The following CNTLN variants were observed in gnomAD, a reference collection of about 807,000 sequenced individuals.
CNTLN encodes the protein centlein, also known as centlein, centrosomal protein.
A neutral mutation model predicts 180.0 loss-of-function variants in CNTLN; 212 were observed. The ratio of observed to expected loss-of-function variants is 1.18; its 90% CI spans 1.05 to 1.32. The LOEUF is 1.32. Among genes scored for constraint, CNTLN ranks in the 40% most tolerant of loss-of-function variants. The pLI, the probability that CNTLN is intolerant of heterozygous loss-of-function variation, is 0.00. For missense variants in CNTLN, 2,095 were observed against 1,610.9 expected (o/e 1.30, Z -5.14); for synonymous variants, 722 against 563.1 (o/e 1.28, Z -3.99).
At chr9:17,232,398 T>C (rs1824869221) in intron 3 of CNTLN, among the ~76,000 whole-genome samples, 1 of 152,026 alleles carries the variant, frequency 6.6e-6, no homozygotes, top group Non-Finnish European at 1.5e-5. Context: ...ATTACTATTA[T>C]AAGTTCACTC....
intron 23 of CNTLN, among the ~76,000 whole-genome samples, chr9:17,471,543 GTTTTTGGAAAT>G (rs1832042896): frequency 6.6e-6 from 1 of 152,016 alleles, no homozygotes; most frequent in South Asian, 2.1e-4. Context: ...GCTGACATCA[GTTTTTGGAAAT>G]TCAGTTAACA....
At chr9:17,386,053 C>G (rs1323425539) in intron 13 of CNTLN, among the ~76,000 whole-genome samples, 1 of 151,830 alleles carries the variant, frequency 6.6e-6, no homozygotes, top group African/African-American at 2.4e-5. Flanking sequence ...TTTCTTAATC[C>G]CTCAAATTGA....
At chr9:17,485,265 G>T (rs1354322461) in intron 24 of CNTLN, among the ~76,000 whole-genome samples, 2 of 152,088 alleles carry the variant, frequency 1.3e-5, no homozygotes, top group Admixed American at 6.6e-5. Context: ...ATAGACTTGG[G>T]TGTCTGTATG....
chr9:17,493,916 C>T (rs1311323665), intron 25 of CNTLN, among the ~76,000 whole-genome samples: 1 of 152,132 alleles, frequency 6.6e-6, no homozygotes, highest in Non-Finnish European at 1.5e-5. Flanking sequence ...GTCAGAAGAC[C>T]TGGGGTTGCG....
chr9:17,137,190 A>G (rs775777724), intron 1 of CNTLN, among the ~76,000 whole-genome samples: 1 of 152,228 alleles, frequency 6.6e-6, no homozygotes, highest in Non-Finnish European at 1.5e-5. Flanking sequence ...GTAAGAATAC[A>G]GAGATGGTCA....
At position 17,220,151 on chromosome 9, in the gene CNTLN, G is replaced by T. The variant is rs184088990; in HGVS notation, c.450-6052G>T. Among the ~76,000 whole-genome samples the T allele has an allele frequency of 3.3e-4, 50 of 152,214 alleles. 1 individual carries two copies. In the East Asian group the frequency reaches 6.4e-3, roughly 19 times the overall value. On this transcript the variant is annotated intron_variant, in intron 2 of 25. Coordinates refer to ENST00000380647, the MANE Select transcript of CNTLN (RefSeq NM_017738.4). ...AAGAACATGCATTTCTAACCTGGGT[G>T]ATGATGATGCTCGTGCTCTGGCAAC...
At chr9:17,401,994 TG>T (rs1827015340) in intron 15 of CNTLN, among the ~76,000 whole-genome samples, 1 of 151,800 alleles carries the variant, frequency 6.6e-6, no homozygotes, top group Non-Finnish European at 1.5e-5. Flanking sequence ...GGCAGTGCTA[TG>T]GACAGGAAAT....
chr9:17,418,876 A>C (rs1289836186), intron 18 of CNTLN, among the ~76,000 whole-genome samples: 2 of 152,082 alleles, frequency 1.3e-5, no homozygotes, highest in Non-Finnish European at 2.9e-5. Flanking sequence ...ATGTAATTAA[A>C]GTACCATTGT....
intron 12 of CNTLN, among the ~76,000 whole-genome samples, chr9:17,352,232 G>T (rs1333417584): frequency 6.6e-6 from 1 of 151,316 alleles, no homozygotes; most frequent in African/African-American, 2.4e-5. Flanking sequence ...TTCTCTTTGG[G>T]GTTAAATATT....
chr9:17,225,346 C>G (rs1824398638), intron 2 of CNTLN, among the ~76,000 whole-genome samples: 1 of 152,048 alleles, frequency 6.6e-6, no homozygotes, highest in Non-Finnish European at 1.5e-5. Context: ...GCATCTGGCT[C>G]TGGGGGACAG....
chr9:17,528,465 C>T, the CNTLN span, among the ~76,000 whole-genome samples: 1 of 152,204 alleles, frequency 6.6e-6, no homozygotes, highest in Non-Finnish European at 1.5e-5. Context: ...CTCCTCAAAA[C>T]TGTTATGCTC....
Position 17,284,332 on chromosome 9 carries a change from GAATGGTACT to G in CNTLN, c.983+10468_983+10476del. Among the ~76,000 whole-genome samples the G allele has an allele frequency of 2.0e-5, 3 of 152,304 alleles. No individual in the cohort carries two copies. In the East Asian group the frequency reaches 5.8e-4, roughly 29 times the overall value. ...CAATTGTTTGGAATAGTTTCGGAAG[GAATGGTACT>G]AGCTCCTGTTTGCACCTCTGATAGA... On this transcript the variant is annotated intron_variant, in intron 6 of 25. Coordinates refer to ENST00000380647, the MANE Select transcript of CNTLN (RefSeq NM_017738.4).
intron 13 of CNTLN, among the ~76,000 whole-genome samples, chr9:17,385,309 C>A (rs1825601374): frequency 6.6e-6 from 1 of 152,128 alleles, no homozygotes; most frequent in Non-Finnish European, 1.5e-5. Flanking sequence ...AATCATTGGC[C>A]ATTGGTGACT....
At chr9:17,271,112 G>A (rs764560734) in intron 5 of CNTLN, among the ~76,000 whole-genome samples, 9 of 151,804 alleles carry the variant, frequency 5.9e-5, no homozygotes, top group Admixed American at 3.3e-4. Context: ...CACCACGCCC[G>A]GCTAATTTTT....
intron 15 of CNTLN, among the ~76,000 whole-genome samples, chr9:17,402,714 C>G (rs1205958059): frequency 6.6e-6 from 1 of 151,784 alleles, no homozygotes; most frequent in Non-Finnish European, 1.5e-5. Flanking sequence ...TCTGCACCAT[C>G]AGCTCTCCTG....
At chr9:17,326,309 A>T (rs919965729) in intron 8 of CNTLN, among the ~76,000 whole-genome samples, 3 of 152,094 alleles carry the variant, frequency 2.0e-5, no homozygotes, top group African/African-American at 7.2e-5. Context: ...AGAGAAAAAA[A>T]TTTATTTATA....
chr9:17,272,903 G>A (rs576085198), intron 5 of CNTLN, among the ~76,000 whole-genome samples: 2 of 151,934 alleles, frequency 1.3e-5, no homozygotes, highest in African/African-American at 4.8e-5. Flanking sequence ...CCCTCCTTCT[G>A]CCCTTATTTT....
rs74862195 is a variant in CNTLN, at chr9:17,485,996, A to G, written c.4042-993A>G. Among the ~76,000 whole-genome samples, 752 of 152,270 alleles carry G rather than the reference A, an allele frequency of 4.9e-3. 4 individuals are homozygous for G. The highest frequency in any genetic ancestry group is 0.018 in the African/African-American group (732 of 41,560). On this transcript the variant is annotated intron_variant, in intron 24 of 25. Transcript: ENST00000380647. ...AGGTGGAATCTGAAGACAAGAGTACACAGCACTGTAATATGCATGTCACAC... is the reference window on the plus strand; with the variant it reads ...AGGTGGAATCTGAAGACAAGAGTACGCAGCACTGTAATATGCATGTCACAC...
chr9:17,415,885 A>AGAAT lies in CNTLN; in HGVS notation c.2890+6_2890+9dup. On this transcript the variant is annotated splice_donor_region_variant and intron_variant, in intron 17 of 25. Transcript: ENST00000380647. Reference sequence around the variant, plus strand: ...CATACAGCAGTTCCTACTAGAGGTAAGAATGTATATGCAATTAACAATATG... The same window carrying AGAAT: ...CATACAGCAGTTCCTACTAGAGGTAAGAATGAATGTATATGCAATTAACAATATG... 1 of 1,601,030 alleles carries AGAAT rather than the reference A, an allele frequency of 6.2e-7. No homozygotes were observed. The highest frequency in any genetic ancestry group is 8.5e-7 in the Non-Finnish European group (1 of 1,171,496).
Sources: allele counts gnomAD v4.1 joint callset (sites outside exome capture counted in the v4.1 genomes callset), GRCh38; gene constraint gnomAD v4.1.1; transcripts MANE v1.5; gene names NCBI Gene and HGNC (gene_info 2026-07-23, HGNC 2026-07-21).